Variants in WDR7 observed in about 807,000 individuals in gnomAD.
WDR7 encodes the protein WD repeat domain 7.
In WDR7, 46 loss-of-function variants were observed where a neutral mutation model predicts 169.4. The ratio of observed to expected loss-of-function variants is 0.27; its 90% CI spans 0.21 to 0.35. The LOEUF (loss-of-function observed/expected upper bound fraction) is 0.35, where lower values mean the gene tolerates loss of function less well. Ranked by LOEUF, WDR7 falls within the 10% of genes least tolerant of loss-of-function variation. The pLI, the probability that WDR7 is intolerant of heterozygous loss-of-function variation, is 1.00. For missense variants in WDR7, 1,534 were observed against 1,859.3 expected, an observed-to-expected ratio of 0.83 and a Z score of 3.22; for synonymous variants, 612 against 666.8, an observed-to-expected ratio of 0.92 and a Z score of 1.27.
At chr18:56,995,404 A>G (rs922862969) in intron 26 of WDR7, among the ~76,000 whole-genome samples, 1 of 152,162 alleles carries the variant, frequency 6.6e-6, no homozygotes, top group African/African-American at 2.4e-5. Flanking sequence ...AGGGTTGGGG[A>G]AGGATCTGAT....
At chr18:56,874,192 A>G (rs2045991294) in intron 20 of WDR7, among the ~76,000 whole-genome samples, 1 of 152,196 alleles carries the variant, frequency 6.6e-6, no homozygotes, top group Admixed American at 6.5e-5. Flanking sequence ...GCATATCCTG[A>G]GATACAGATT....
intron 1 of WDR7, among the ~76,000 whole-genome samples, chr18:56,667,901 A>C (rs2025056768): frequency 6.6e-6 from 1 of 152,222 alleles, no homozygotes; most frequent in African/African-American, 2.4e-5. Flanking sequence ...ATCATTTGGT[A>C]GTGAGTACAC....
intron 1 of WDR7, among the ~76,000 whole-genome samples, chr18:56,658,767 C>T (rs911661442): frequency 2.0e-5 from 3 of 152,152 alleles, no homozygotes; most frequent in Non-Finnish European, 4.4e-5. Flanking sequence ...GACTGGAGTG[C>T]AGTGGCATGA....
intron 20 of WDR7, among the ~76,000 whole-genome samples, chr18:56,832,217 G>C (rs2045323415): frequency 6.6e-6 from 1 of 152,206 alleles, no homozygotes; most frequent in Non-Finnish European, 1.5e-5. Context: ...TGTAAACAAA[G>C]CTTCCGGAAG....
chr18:56,716,691 T>C (rs1156777726), intron 12 of WDR7, among the ~76,000 whole-genome samples: 1 of 152,178 alleles, frequency 6.6e-6, no homozygotes, highest in African/African-American at 2.4e-5. Context: ...GTTTCCAAAG[T>C]GTGTTCATCT....
intron 12 of WDR7, among the ~76,000 whole-genome samples, chr18:56,705,485 G>C (rs139784580): frequency 1.1e-3 from 163 of 152,120 alleles, no homozygotes; most frequent in African/African-American, 3.7e-3. Flanking sequence ...TATGATATTT[G>C]AATATATTAG....
At chr18:56,724,505 C>A (rs1189791959) in intron 13 of WDR7, among the ~76,000 whole-genome samples, 6 of 151,152 alleles carry the variant, frequency 4.0e-5, no homozygotes, top group African/African-American at 1.5e-4. Flanking sequence ...AGCCACCGCT[C>A]CTGGCCATGC....
At position 56,691,222 on chromosome 18, in the gene WDR7, G is replaced by A. The variant is rs757273274; in HGVS notation, c.724G>A (p.Asp242Asn). 6.2e-6 allele frequency: 10 copies of A among 1,604,490 alleles called. No individual in the cohort carries two copies. Among genetic ancestry groups the A allele is most frequent in the East Asian group, 2.3e-5 (1 of 43,912 alleles). The change falls in exon 8 of 28, where the codon GAT becomes AAT. Residue 242 changes from aspartate to asparagine, a missense_variant. Physicochemically the swap from Asp to Asn is conservative, Grantham distance 23 (BLOSUM62 1). Coordinates refer to ENST00000254442, the MANE Select transcript of WDR7 (RefSeq NM_015285.3). Reference sequence around the variant, plus strand: ...ATTTCTTTCTTCCTTGCAGGTGTTCGATGCCGGAGACTATTCCTTGTTGTG... The same window carrying A: ...ATTTCTTTCTTCCTTGCAGGTGTTCAATGCCGGAGACTATTCCTTGTTGTG... Reference protein sequence around the residue: ...VVCSKYWRVFDAGDYSLLCSG... With the variant: ...VVCSKYWRVFNAGDYSLLCSG...
rs557494793 is a variant in WDR7 at position 56,859,836 on chromosome 18, G to A, written c.3305-20108G>A. Among the ~76,000 whole-genome samples, 63 of 152,186 alleles carry A rather than the reference G, an allele frequency of 4.1e-4. 1 individual carries two copies. The highest frequency in any genetic ancestry group is 6.6e-4 in the Non-Finnish European group (45 of 67,992). ...ATGGCTTCTACTTTGTGTTATCCCG[G>A]GTAGTCCGGCTCTTCACACTTCATC... is the stretch of plus-strand genomic sequence containing the variant. On this transcript the variant is annotated intron_variant, in intron 20 of 27. Coordinates refer to ENST00000254442, the MANE Select transcript of WDR7 (RefSeq NM_015285.3).
At position 56,680,980 on chromosome 18, in the gene WDR7, C is replaced by G. The variant is rs543474740; in HGVS notation, c.267-333C>G. On this transcript the variant is annotated intron_variant, in intron 3 of 27. Transcript: ENST00000254442. ...GTGAGGGAGCAACCTCTGTGTGAAG[C>G]AGCCAGTCTCTGGAACAGAGCTCTG... Among the ~76,000 whole-genome samples the G allele has an allele frequency of 2.0e-5, 3 of 152,276 alleles. 1 individual carries two copies. The South Asian group carries it at 6.2e-4, about 32-fold the overall frequency.
chr18:56,959,240 A>C (rs79619392), intron 25 of WDR7, among the ~76,000 whole-genome samples: 5,690 of 152,174 alleles, frequency 0.037, 131 homozygotes, highest in Non-Finnish European at 0.053. Context: ...AAGAAAGTGC[A>C]AGGAGATCAC....
chr18:56,935,965 A>C, intron 23 of WDR7, 60 bp downstream of exon 23: 1 of 1,443,548 alleles, frequency 6.9e-7, no homozygotes, highest in South Asian at 1.3e-5. Context: ...TTGATACTAT[A>C]AGCTGAGGGT....
chr18:56,901,385 C>A (rs189607825), intron 21 of WDR7, among the ~76,000 whole-genome samples: 1 of 150,338 alleles, frequency 6.7e-6, no homozygotes, highest in Non-Finnish European at 1.5e-5. Context: ...GATCTCTAGG[C>A]AGTATAGTCA....
intron 25 of WDR7, among the ~76,000 whole-genome samples, chr18:56,950,949 T>C (rs2047172244): frequency 6.6e-6 from 1 of 152,208 alleles, no homozygotes; most frequent in South Asian, 2.1e-4. Context: ...TGAAGTGCCA[T>C]TCTCAAATTC....
At chr18:57,013,155 C>A (rs950911518) in intron 26 of WDR7, among the ~76,000 whole-genome samples, 1 of 152,132 alleles carries the variant, frequency 6.6e-6, no homozygotes, top group Admixed American at 6.5e-5. Flanking sequence ...GTTAGATTCT[C>A]ATAAGGAGGG....
intron 20 of WDR7, among the ~76,000 whole-genome samples, chr18:56,856,863 A>G (rs1197094647): frequency 2.0e-5 from 3 of 152,162 alleles, no homozygotes; most frequent in Non-Finnish European, 4.4e-5. Flanking sequence ...GACCACAGCT[A>G]TTCTAAAAGT....
chr18:56,768,575 A>G (rs2044104408), intron 16 of WDR7, among the ~76,000 whole-genome samples: 1 of 152,204 alleles, frequency 6.6e-6, no homozygotes. Context: ...TAAATAACCA[A>G]TTTAGGGTTG....
chr18:56,921,707 C>G lies in WDR7; in HGVS notation c.3527-2215C>G, dbSNP rs141513623. 6.1e-3 allele frequency among the ~76,000 whole-genome samples: 927 copies of G among 152,234 alleles called. 11 individuals carry two copies. Among genetic ancestry groups the G allele is most frequent in the African/African-American group, 0.021 (883 of 41,530 alleles). On this transcript the variant is annotated intron_variant, in intron 21 of 27. Transcript: ENST00000254442. The stretch of plus-strand genomic sequence containing the variant: ...GAGAACGCTTTTCTGTCATTTCATC[C>G]AAGTGCAAGTGATCAGTTCCCCTGT...
intron 12 of WDR7, among the ~76,000 whole-genome samples, chr18:56,697,374 T>C (rs989038368): frequency 5.9e-5 from 9 of 152,376 alleles, no homozygotes; most frequent in Non-Finnish European, 1.0e-4. Context: ...TTATCAACCA[T>C]GTTCTGCCAG....
Sources: gnomAD v4.1 joint callset for allele counts (sites outside exome capture counted in the v4.1 genomes callset) on GRCh38, gnomAD v4.1.1 for gene constraint, MANE v1.5 for transcripts, NCBI Gene and HGNC (gene_info 2026-07-23, HGNC 2026-07-21) for gene names.